Variants in RPS15A observed in about 807,000 individuals in gnomAD.
RPS15A encodes ribosomal protein S15a.
For synonymous variants in RPS15A, 55 were observed against 58.5 expected (o/e 0.94, Z 0.27); for missense variants, 62 against 163.4 (o/e 0.38, Z 3.38).
intron 1 of RPS15A, among the ~76,000 whole-genome samples, 195 bp from the exon 2 acceptor site, chr16:18,789,313 T>C (rs1453791669): frequency 6.6e-6 from 1 of 152,230 alleles, no homozygotes; most frequent in Non-Finnish European, 1.5e-5. Context: ...AAACAGGTTA[T>C]CGGGACGTCA....
rs1903963294 is a variant in RPS15A at position 18,781,315 on chromosome 16, A to G, written c.*1694T>C. 6.7e-6 allele frequency: 1 copy of G among 149,328 alleles called. No individual in the cohort carries two copies. Among genetic ancestry groups the G allele is most frequent in the Non-Finnish European group, 1.5e-5 (1 of 67,098 alleles). 9.3% of individuals were successfully genotyped at this position (149,328 alleles called of 1,614,324 possible). ...TGGAGCCATTTTCATATCCTATTTTATTTTTGAAGTCAGTGTCCAGAAAGA... is the reference window on the plus strand; with the variant it reads ...TGGAGCCATTTTCATATCCTATTTTGTTTTTGAAGTCAGTGTCCAGAAAGA... On this transcript the variant is annotated 3_prime_UTR_variant, in exon 5 of 5. Coordinates refer to ENST00000322989, the MANE Select transcript of RPS15A (RefSeq NM_001019.5).
At chr16:18,789,483 G>A (rs1398792741) in intron 1 of RPS15A, among the ~76,000 whole-genome samples, 1 of 152,226 alleles carries the variant, frequency 6.6e-6, no homozygotes, top group Non-Finnish European at 1.5e-5. Flanking sequence ...AAAACATCGG[G>A]TATAGTCGAT....
chr16:18,788,848 A>G (rs1274702962), intron 2 of RPS15A, 133 bp downstream of exon 2: 4 of 926,380 alleles, frequency 4.3e-6, no homozygotes, highest in Non-Finnish European at 6.6e-6. Flanking sequence ...CCCCTCCTCC[A>G]CAGCCCACAG....
Position 18,783,106 on chromosome 16 carries a change from T to C in RPS15A, c.300-4A>G. 1 of 1,600,504 alleles carries C rather than the reference T, an allele frequency of 6.2e-7. No individual in the cohort carries two copies. The highest frequency in any genetic ancestry group is 2.2e-5 in the East Asian group (1 of 44,846). ...TGAGGTTGTCAGTACAATGAAACTA[T>C]GGAGTGGAAAAAGAAAGTGCTGGTA... On this transcript the variant is annotated splice_region_variant and splice_polypyrimidine_tract_variant and intron_variant, in intron 4 of 4. Coordinates refer to ENST00000322989, the MANE Select transcript of RPS15A (RefSeq NM_001019.5).
intron 4 of RPS15A, chr16:18,783,803 A>G (rs887094770): frequency 4.7e-6 from 2 of 425,472 alleles, no homozygotes; most frequent in African/African-American, 4.1e-5. Context: ...AACTATTACC[A>G]CTTTTACGGA....
At chr16:18,783,182 C>T in intron 4 of RPS15A, 80 bp from the exon 5 acceptor site, 1 of 918,180 alleles carries the variant, frequency 1.1e-6, no homozygotes, top group Non-Finnish European at 1.7e-6. Context: ...CATCAACACT[C>T]ATCAGTGGTT....
chr16:18,785,059 A>G (rs975924874), intron 3 of RPS15A: 2 of 437,930 alleles, frequency 4.6e-6, no homozygotes, highest in Non-Finnish European at 4.0e-6. Flanking sequence ...ACAAGGCAAT[A>G]CATGGCAGTG....
rs898392923 is a variant in RPS15A at position 18,782,501 on chromosome 16, T to C, written c.*508A>G. 6 of 152,688 alleles carry C rather than the reference T, an allele frequency of 3.9e-5. No homozygotes were observed. Among genetic ancestry groups the C allele is most frequent in the African/African-American group, 1.2e-4 (5 of 41,480 alleles). 9.5% of individuals were successfully genotyped at this position (152,688 alleles called of 1,614,324 possible). A position where few individuals can be genotyped will look rare whatever the true frequency, so the allele number is the denominator to read the frequency against. ...ACTTCGGGAGGCCGAGGTAGGCTGA[T>C]CACTTGAGGCCCAGAACTCAAGACC... On this transcript the variant is annotated 3_prime_UTR_variant, in exon 5 of 5. Coordinates refer to ENST00000322989, the MANE Select transcript of RPS15A (RefSeq NM_001019.5).
rs569795132 is a variant in RPS15A, at chr16:18,783,263, G to A, written c.300-161C>T. 2.1e-4 allele frequency: 119 copies of A among 576,388 alleles called. 1 individual carries two copies. The South Asian group carries it at 2.4e-3, about 12-fold the overall frequency. 35.7% of individuals were successfully genotyped at this position (576,388 alleles called of 1,614,324 possible). ...TGAGCTGGTGCCTCATGTAGCGTAT[G>A]AGCCATGACTCCTGCAACCCAAAGA... On this transcript the variant is annotated intron_variant, in intron 4 of 4. Coordinates refer to ENST00000322989, the MANE Select transcript of RPS15A (RefSeq NM_001019.5).
Position 18,784,931 on chromosome 16 carries a change from C to T in RPS15A, c.214-108G>A, listed in dbSNP as rs1052009298. 3.5e-5 allele frequency: 29 copies of T among 833,100 alleles called. No individual in the cohort carries two copies. In the South Asian group the frequency reaches 4.5e-4, roughly 13 times the overall value. 51.6% of individuals were successfully genotyped at this position (833,100 alleles called of 1,614,324 possible). A position where few individuals can be genotyped will look rare whatever the true frequency, so the allele number is the denominator to read the frequency against. ...ATAAACAGTCCTCCAAACCAACCAA[C>T]CCAGCATTCAGATGGGTACTTATTC... On this transcript the variant is annotated intron_variant, in intron 3 of 4. Coordinates refer to ENST00000322989, the MANE Select transcript of RPS15A (RefSeq NM_001019.5).
At position 18,782,993 on chromosome 16, in the gene RPS15A, T is replaced by C. The variant is rs1463941459; in HGVS notation, c.*16A>G. On this transcript the variant is annotated 3_prime_UTR_variant, in exon 5 of 5. Coordinates refer to ENST00000322989, the MANE Select transcript of RPS15A (RefSeq NM_001019.5). Reference sequence around the variant, plus strand: ...GTCCATGAGGCATTTTATTTGTAAATATATGTATTACATCCCTAGAAAAAG... The same window carrying C: ...GTCCATGAGGCATTTTATTTGTAAACATATGTATTACATCCCTAGAAAAAG... 1 of 1,440,366 alleles carries C rather than the reference T, an allele frequency of 6.9e-7. No individual in the cohort carries two copies. The highest frequency in any genetic ancestry group is 9.7e-7 in the Non-Finnish European group (1 of 1,036,054). 89.2% of individuals were successfully genotyped at this position (1,440,366 alleles called of 1,614,324 possible). A position where few individuals can be genotyped will look rare whatever the true frequency, so the allele number is the denominator to read the frequency against.
At chr16:18,786,503 C>G (rs1904053057) in intron 3 of RPS15A, 1 of 153,772 alleles carries the variant, frequency 6.5e-6, no homozygotes, top group South Asian at 2.0e-4. Flanking sequence ...CTCGGCTGGG[C>G]CCAGTGACTC....
chr16:18,789,006 C>G lies in RPS15A; in HGVS notation c.108G>C (p.Arg36=), dbSNP rs371943944. 141 of 1,613,416 alleles carry G rather than the reference C, an allele frequency of 8.7e-5. 3 individuals carry two copies. Among genetic ancestry groups the G allele is most frequent in the South Asian group, 5.3e-4 (48 of 91,002 alleles). The part of the protein sequence containing the change: ...LIRPCSKVIV[R]FLTVMMKHGY... Reference sequence around the variant, plus strand: ...CATGCTTCATCATCACAGTGAGAAACCGGACGATGACTTTGGAGCACGGCC... The same window carrying G: ...CATGCTTCATCATCACAGTGAGAAAGCGGACGATGACTTTGGAGCACGGCC... Residue 36 remains arginine, a synonymous_variant, in exon 2 of 5, where the codon CGG becomes CGC. Transcript: ENST00000322989.
chr16:18,783,729 T>C (rs1904001530), intron 4 of RPS15A: 1 of 455,984 alleles, frequency 2.2e-6, no homozygotes, highest in South Asian at 1.5e-5. Context: ...ACCACAAAGA[T>C]ACACATTTAC....
intron 3 of RPS15A, chr16:18,785,731 G>T (rs984646203): frequency 6.6e-6 from 1 of 152,154 alleles, no homozygotes; most frequent in Non-Finnish European, 1.5e-5. Context: ...TGACTAACAA[G>T]GACAATCTCA....
chr16:18,788,374 T>C (rs1357526156), intron 2 of RPS15A, among the ~76,000 whole-genome samples: 4 of 152,222 alleles, frequency 2.6e-5, no homozygotes, highest in African/African-American at 9.6e-5. Flanking sequence ...GAAACTATTT[T>C]CCCCTTGACC....
At chr16:18,789,525 G>A (rs865964054) in intron 1 of RPS15A, among the ~76,000 whole-genome samples, 4 of 152,114 alleles carry the variant, frequency 2.6e-5, no homozygotes, top group Non-Finnish European at 5.9e-5. Flanking sequence ...GAGTATCATC[G>A]GCAACATTTT....
intron 4 of RPS15A, chr16:18,784,415 T>G: frequency 4.9e-6 from 1 of 205,510 alleles, no homozygotes. Flanking sequence ...GCCTGGCTAA[T>G]TTTGTATTTT....
At chr16:18,789,225 G>T (rs944300934) in intron 1 of RPS15A, 107 bp from the exon 2 acceptor site, 2 of 1,160,776 alleles carry the variant, frequency 1.7e-6, no homozygotes, top group Non-Finnish European at 2.4e-6. Flanking sequence ...CCACCTTGGC[G>T]AAGTTTTCTC....
Sources: gnomAD v4.1 joint callset for allele counts (sites outside exome capture counted in the v4.1 genomes callset) on GRCh38, gnomAD v4.1.1 for gene constraint, MANE v1.5 for transcripts, NCBI Gene and HGNC (gene_info 2026-07-23, HGNC 2026-07-21) for gene names.